Variants in EPB41L4A observed in about 807,000 individuals in gnomAD.
EPB41L4A encodes erythrocyte membrane protein band 4.1 like 4A.
In EPB41L4A, 100 loss-of-function variants were observed where a neutral mutation model predicts 108.6. That is an observed-to-expected ratio of 0.92 (90% CI 0.78 to 1.09). The LOEUF (loss-of-function observed/expected upper bound fraction) is 1.09, where lower values mean the gene tolerates loss of function less well. EPB41L4A is among the 50% of genes least tolerant of loss of function. EPB41L4A has a pLI of 0.00. For missense variants in EPB41L4A, 1,030 were observed against 842.7 expected, an observed-to-expected ratio of 1.22 and a Z score of -2.75; for synonymous variants, 319 against 289.0, an observed-to-expected ratio of 1.10 and a Z score of -1.05.
At chr5:112,407,122 G>A (rs1423723091) in intron 1 of EPB41L4A, among the ~76,000 whole-genome samples, 2 of 152,008 alleles carry the variant, frequency 1.3e-5, no homozygotes, top group African/African-American at 4.8e-5. Context: ...AAGCAGAAAC[G>A]AGTTCGTGTG....
At chr5:112,342,242 A>G (rs1353919793) in intron 1 of EPB41L4A, among the ~76,000 whole-genome samples, 1 of 152,254 alleles carries the variant, frequency 6.6e-6, no homozygotes, top group African/African-American at 2.4e-5. Flanking sequence ...ACTGGACGTG[A>G]TAACATGCTA....
chr5:112,328,027 A>C (rs932138292), intron 1 of EPB41L4A, among the ~76,000 whole-genome samples: 2 of 152,168 alleles, frequency 1.3e-5, no homozygotes, highest in African/African-American at 4.8e-5. Flanking sequence ...TTGGGGGAGA[A>C]GGCCGGACAC....
chr5:112,188,877 A>G (rs1298381680), intron 17 of EPB41L4A, among the ~76,000 whole-genome samples: 1 of 152,064 alleles, frequency 6.6e-6, no homozygotes, highest in African/African-American at 2.4e-5. Context: ...CTTCTTTACC[A>G]CTCCCAAAAC....
intron 1 of EPB41L4A, among the ~76,000 whole-genome samples, chr5:112,324,188 G>C (rs1755992775): frequency 6.6e-6 from 1 of 152,114 alleles, no homozygotes; most frequent in Non-Finnish European, 1.5e-5. Context: ...AGACATACAG[G>C]AAGAGAAAAC....
intron 1 of EPB41L4A, among the ~76,000 whole-genome samples, chr5:112,386,153 G>C (rs1450275462): frequency 6.6e-6 from 1 of 152,164 alleles, no homozygotes; most frequent in East Asian, 1.9e-4. Context: ...TTTGTACTGA[G>C]ACATAACGAA....
chr5:112,340,041 G>A (rs928773998), intron 1 of EPB41L4A, among the ~76,000 whole-genome samples: 5 of 152,072 alleles, frequency 3.3e-5, no homozygotes, highest in Admixed American at 6.6e-5. Flanking sequence ...CCCGATTAGG[G>A]CCCCATGTGG....
In EPB41L4A at chr5:112,289,228, T is replaced by C. The variant is rs76496559; in HGVS notation, c.205-8905A>G. On this transcript the variant is annotated intron_variant, in intron 2 of 22. Transcript: ENST00000261486. ...ATAATAAAGAGTCTCGTATGCATAATAGAATTTGAATTTAAGCAGAATACT... is the reference window on the plus strand; with the variant it reads ...ATAATAAAGAGTCTCGTATGCATAACAGAATTTGAATTTAAGCAGAATACT... Among the ~76,000 whole-genome samples the C allele has an allele frequency of 5.5e-4, 83 of 152,226 alleles. 1 individual carries two copies. Among genetic ancestry groups the C allele is most frequent in the African/African-American group, 1.8e-3 (76 of 41,514 alleles).
intron 12 of EPB41L4A, 89 bp downstream of exon 12, chr5:112,234,545 G>C (rs1206294250): frequency 1.7e-6 from 2 of 1,190,568 alleles, no homozygotes; most frequent in East Asian, 2.5e-5. Flanking sequence ...AAAGACTGTA[G>C]AGTTATAGAC....
chr5:112,305,052 G>A (rs868510389), intron 2 of EPB41L4A, among the ~76,000 whole-genome samples: 12 of 152,062 alleles, frequency 7.9e-5, no homozygotes, highest in African/African-American at 1.2e-4. Context: ...GGAAGACTGC[G>A]CTGCTGCAAT....
intron 1 of EPB41L4A, among the ~76,000 whole-genome samples, chr5:112,360,435 G>A (rs1429856919): frequency 6.6e-6 from 1 of 152,192 alleles, no homozygotes; most frequent in Admixed American, 6.5e-5. Context: ...CGCCACGCCT[G>A]ACTGGTTTTT....
At chr5:112,318,524 G>C (rs1204816512) in intron 1 of EPB41L4A, among the ~76,000 whole-genome samples, 1 of 152,134 alleles carries the variant, frequency 6.6e-6, no homozygotes, top group African/African-American at 2.4e-5. Flanking sequence ...AAGGCATCAG[G>C]CCTGTGAATG....
rs573287084 is a variant in EPB41L4A at position 112,333,283 on chromosome 5, G to C, written c.100-25793C>G. Among the ~76,000 whole-genome samples, 11 of 152,046 alleles carry C rather than the reference G, an allele frequency of 7.2e-5. No homozygotes were observed. The South Asian group carries it at 8.3e-4, about 12-fold the overall frequency. On this transcript the variant is annotated intron_variant, in intron 1 of 22. Coordinates refer to ENST00000261486, the MANE Select transcript of EPB41L4A (RefSeq NM_022140.5). The stretch of plus-strand genomic sequence containing the variant: ...GCCCTCCCCTCTAGGAAATATATTG[G>C]GGGGTGGGAGAGGGAGATGTCAAAA...
intron 9 of EPB41L4A, among the ~76,000 whole-genome samples, chr5:112,244,693 G>A (rs1240475482): frequency 6.6e-6 from 1 of 152,132 alleles, no homozygotes; most frequent in Non-Finnish European, 1.5e-5. Context: ...GCGCCATCTT[G>A]TCTGCTCCTT....
At chr5:112,312,858 TAA>T (rs1755137159) in intron 1 of EPB41L4A, among the ~76,000 whole-genome samples, 1 of 152,144 alleles carries the variant, frequency 6.6e-6, no homozygotes, top group African/African-American at 2.4e-5. Context: ...AGTTCAGGTG[TAA>T]AGTCTTCAGG....
At chr5:112,211,230 C>T (rs1247217275) in intron 12 of EPB41L4A, among the ~76,000 whole-genome samples, 1 of 152,116 alleles carries the variant, frequency 6.6e-6, no homozygotes, top group Non-Finnish European at 1.5e-5. Flanking sequence ...CACCTGTGGC[C>T]CCACAAGCAG....
intron 4 of EPB41L4A, among the ~76,000 whole-genome samples, chr5:112,268,842 CA>C (rs34983995): frequency 0.31 from 16,864 of 54,898 alleles, 608 homozygotes; most frequent in Admixed American, 0.34. Flanking sequence ...GACCTTCTCT[CA>C]AAAAAAAAAA....
chr5:112,321,939 G>A (rs1438574890), intron 1 of EPB41L4A, among the ~76,000 whole-genome samples: 2 of 152,004 alleles, frequency 1.3e-5, no homozygotes, highest in African/African-American at 2.4e-5. Flanking sequence ...TTAACCTGGG[G>A]GAAATTCTAA....
intron 1 of EPB41L4A, among the ~76,000 whole-genome samples, chr5:112,320,951 C>T (rs376680519): frequency 7.2e-5 from 11 of 152,258 alleles, no homozygotes; most frequent in Non-Finnish European, 1.0e-4. Flanking sequence ...TCTGAGTTGG[C>T]GCCCCCACTG....
rs766720506 is a variant in EPB41L4A, at chr5:112,194,634, C to T, written c.1436G>A (p.Arg479His). The change falls in exon 17 of 23, where the codon CGC becomes CAC. Residue 479 changes from arginine to histidine, a missense_variant. By Grantham distance (29) the Arg-to-His change is conservative (BLOSUM62 0). Transcript: ENST00000261486. ...TTCACTACCACTGCTGGTGTTACAG[C>T]GTGAACGTGACCTGAAGACAAAAAG... ...DLKQRRRSRS[R>H]CNTSSGSESE... The T allele has an allele frequency of 1.3e-5, 21 of 1,601,836 alleles. No individual in the cohort carries two copies. Among genetic ancestry groups the T allele is most frequent in the Admixed American group, 3.5e-5 (2 of 57,892 alleles).
Sources: gnomAD v4.1 joint callset for allele counts (sites outside exome capture counted in the v4.1 genomes callset) on GRCh38, gnomAD v4.1.1 for gene constraint, MANE v1.5 for transcripts, NCBI Gene and HGNC (gene_info 2026-07-23, HGNC 2026-07-21) for gene names.